The following NSD2 variants were observed in gnomAD, a reference collection of about 807,000 sequenced individuals.
The protein encoded by NSD2 is nuclear receptor binding SET domain protein 2, also known as histone-lysine N-methyltransferase NSD2.
A neutral mutation model predicts 139.0 loss-of-function variants in NSD2; 12 were observed. The observed-to-expected ratio is 0.09, with a 90% CI of 0.06 to 0.14. NSD2 has a LOEUF of 0.14. NSD2 is among the 10% of genes least tolerant of loss of function. The pLI is 1.00. For synonymous variants in NSD2, 669 were observed against 648.7 expected (o/e 1.03, Z -0.48); for missense variants, 1,155 against 1,745.0 (o/e 0.66, Z 6.02).
Position 1,955,564 on chromosome 4 carries a change from G to C in NSD2, c.2519-129G>C. 4.7e-6 allele frequency: 6 copies of C among 1,285,570 alleles called. No homozygotes were observed. Among genetic ancestry groups the C allele is most frequent in the Non-Finnish European group, 6.2e-6 (6 of 960,058 alleles). The allele number at this position is 1,285,570 out of a possible 1,614,324, so 79.6% of individuals were successfully genotyped here. A position where few individuals can be genotyped will look rare whatever the true frequency, so the allele number is the denominator to read the frequency against. ...AAATGACATTTGCTCTCGTGCTGAT[G>C]TACAGATCGCTGTTTTAAAACTGAT... is the stretch of plus-strand genomic sequence containing the variant. On this transcript the variant is annotated intron_variant, in intron 13 of 21. Coordinates refer to ENST00000508803, the MANE Select transcript of NSD2 (RefSeq NM_001042424.3). This position sits in a 1 kb window ranked among gnomAD's most constrained non-coding sequence, Gnocchi z 4.7.
At chr4:1,977,230 G>A (rs1017465816) in intron 21 of NSD2, among the ~76,000 whole-genome samples, 2 of 152,232 alleles carry the variant, frequency 1.3e-5, no homozygotes, top group Admixed American at 6.5e-5. Context: ...GGAAAGTAGA[G>A]TGGGCTCCAC....
At chr4:1,872,515 C>G (rs1713867352) in intron 1 of NSD2, among the ~76,000 whole-genome samples, 1 of 147,860 alleles carries the variant, frequency 6.8e-6, no homozygotes, top group East Asian at 2.0e-4. Flanking sequence ...AACATAGTAT[C>G]AAAACTGATG....
chr4:1,899,317 G>A (rs993795157), intron 1 of NSD2: 4 of 152,158 alleles, frequency 2.6e-5, no homozygotes, highest in African/African-American at 9.7e-5. Context: ...TGGACATCTC[G>A]GGCCGCATAG....
chr4:1,947,686 GCAAA>G, intron 9 of NSD2: 1 of 1,053,584 alleles, frequency 9.5e-7, no homozygotes, highest in Non-Finnish European at 1.1e-6. Context: ...ATTTGTAAAC[GCAAA>G]CACTGTGGAG....
In NSD2 at chr4:1,981,929, G is replaced by A. The variant is rs747319484; in HGVS notation, c.*3020G>A. ...ACCCTGTTGAGGTGTGAAATGCCCC[G>A]TCAGAAATTAAATACAAACTTAAAT... On this transcript the variant is annotated 3_prime_UTR_variant, in exon 22 of 22. Transcript: ENST00000508803. 1.5e-4 allele frequency: 60 copies of A among 398,460 alleles called. No homozygotes were observed. Among genetic ancestry groups the A allele is most frequent in the East Asian group, 2.1e-4 (6 of 28,088 alleles). The allele number at this position is 398,460 out of a possible 1,614,324, so 24.7% of individuals were successfully genotyped here. A position where few individuals can be genotyped will look rare whatever the true frequency, so the allele number is the denominator to read the frequency against.
At chr4:1,933,127 A>G (rs1019872734) in intron 6 of NSD2, among the ~76,000 whole-genome samples, 1 of 152,192 alleles carries the variant, frequency 6.6e-6, no homozygotes, top group Non-Finnish European at 1.5e-5. Flanking sequence ...CCTGGCCCCC[A>G]TCACACCAGG....
intron 2 of NSD2, among the ~76,000 whole-genome samples, chr4:1,901,454 G>A (rs576201632): frequency 5.9e-5 from 9 of 152,200 alleles, no homozygotes; most frequent in Non-Finnish European, 1.3e-4. Context: ...TTCTCAGCTG[G>A]CTGCTGAGCC....
At chr4:1,877,856 C>T (rs891664179) in intron 1 of NSD2, among the ~76,000 whole-genome samples, 1 of 152,024 alleles carries the variant, frequency 6.6e-6, no homozygotes, top group Admixed American at 6.6e-5. Flanking sequence ...CCTTCTCTGA[C>T]CACTGATTTA....
rs569331423 is a variant in NSD2, at chr4:1,925,778, T to A, written c.1411-4848T>A. On this transcript the variant is annotated intron_variant, in intron 5 of 21. Coordinates refer to ENST00000508803, the MANE Select transcript of NSD2 (RefSeq NM_001042424.3). ...TTTATATATCTATATATATATTTTT[T>A]TTTGTTTGTTTGTTTGTTTGTTTGT... is the stretch of plus-strand genomic sequence containing the variant. 2.5e-3 allele frequency among the ~76,000 whole-genome samples: 374 copies of A among 151,164 alleles called. 8 individuals are homozygous for A. The highest frequency in any genetic ancestry group is 3.4e-3 in the Middle Eastern group (1 of 292).
chr4:1,883,292 C>T (rs754935293), intron 1 of NSD2, among the ~76,000 whole-genome samples: 1 of 152,078 alleles, frequency 6.6e-6, no homozygotes, highest in Non-Finnish European at 1.5e-5. Flanking sequence ...GTAACAGTTT[C>T]TCAATGAACC....
rs562324621 is a variant in NSD2, at chr4:1,980,758, C to G, written c.*1849C>G. 1 of 233,116 alleles carries G rather than the reference C, an allele frequency of 4.3e-6. No homozygotes were observed. Among genetic ancestry groups the G allele is most frequent in the Non-Finnish European group, 8.5e-6 (1 of 118,034 alleles). 14.4% of individuals were successfully genotyped at this position (233,116 alleles called of 1,614,324 possible). ...CGAGCTGTGTAGCCACTGACTTGCT[C>G]GCGCGGCCGTGGCCTCTGAGGGGCA... On this transcript the variant is annotated 3_prime_UTR_variant, in exon 22 of 22. Transcript: ENST00000508803.
intron 6 of NSD2, among the ~76,000 whole-genome samples, chr4:1,934,429 G>T (rs1722058766): frequency 6.6e-6 from 1 of 151,534 alleles, no homozygotes; most frequent in Non-Finnish European, 1.5e-5. Context: ...GGAGGCAGAG[G>T]TTGCAGTGAG....
chr4:1,912,182 C>T, intron 3 of NSD2: 1 of 343,954 alleles, frequency 2.9e-6, no homozygotes, highest in South Asian at 2.3e-5. Flanking sequence ...GCCTTCCTCT[C>T]TCCTCCCCAG....
intron 1 of NSD2, among the ~76,000 whole-genome samples, chr4:1,877,735 G>A (rs1714365850): frequency 6.6e-6 from 1 of 152,136 alleles, no homozygotes; most frequent in South Asian, 2.1e-4. Context: ...CAGCTCTGCT[G>A]CCTCCGACTA....
chr4:1,978,785 A>G lies in NSD2; in HGVS notation c.3974A>G (p.Glu1325Gly), dbSNP rs985805727. Residue 1325 changes from glutamate (E) to glycine (G), a missense_variant, in exon 22 of 22, where the codon GAG (glutamate) becomes GGG (glycine). Physicochemically the swap from Glu to Gly is moderately conservative, Grantham distance 98. Coordinates refer to ENST00000508803, the MANE Select transcript of NSD2 (RefSeq NM_001042424.3). ...CCGGACGGGCGGTCCTACTGCTGTG[A>G]GCATGACTTAGGGGCGGCATCGGTC... is the stretch of plus-strand genomic sequence containing the variant. ...CTPDGRSYCC[E>G]HDLGAASVRS... The G allele has an allele frequency of 6.8e-6, 11 of 1,613,764 alleles. No homozygotes were observed. The highest frequency in any genetic ancestry group is 8.5e-6 in the Non-Finnish European group (10 of 1,179,728).
intron 9 of NSD2, among the ~76,000 whole-genome samples, chr4:1,950,499 T>G (rs1399957625): frequency 1.3e-5 from 2 of 152,152 alleles, no homozygotes; most frequent in Non-Finnish European, 2.9e-5. Flanking sequence ...AACCGAACGG[T>G]CAGCCTGTGG....
At chr4:1,872,587 TGTGTGA>T (rs1464571922) in intron 1 of NSD2, among the ~76,000 whole-genome samples, 106 of 50,134 alleles carry the variant, frequency 2.1e-3, no homozygotes, top group African/African-American at 5.7e-3. Context: ...TGTGTGTGTG[TGTGTGA>T]GAGAGAGAGA....
At chr4:1,904,493 C>T in intron 3 of NSD2, 115 bp downstream of exon 3, 1 of 1,178,668 alleles carries the variant, frequency 8.5e-7, no homozygotes, top group Non-Finnish European at 1.2e-6. Flanking sequence ...ATTTTTGCAG[C>T]TTTACCTAAA....
At chr4:1,878,921 A>G (rs1353657452) in intron 1 of NSD2, among the ~76,000 whole-genome samples, 2 of 152,078 alleles carry the variant, frequency 1.3e-5, no homozygotes, top group Non-Finnish European at 2.9e-5. Flanking sequence ...GGTGCAGGAG[A>G]GGGTCCTTGG....
Sources: allele counts gnomAD v4.1 joint callset (sites outside exome capture counted in the v4.1 genomes callset), GRCh38; gene constraint gnomAD v4.1.1; non-coding constraint Gnocchi (gnomAD v3.1); transcripts MANE v1.5; gene names NCBI Gene and HGNC (gene_info 2026-07-23, HGNC 2026-07-21).